Variants in SETBP1 observed in about 807,000 individuals in gnomAD.
The protein encoded by SETBP1 is SET binding protein 1.
SETBP1 carries 9 observed loss-of-function variants against 101.0 expected under a neutral mutation model. The observed-to-expected ratio is 0.09, with a 90% CI of 0.05 to 0.16. The LOEUF (loss-of-function observed/expected upper bound fraction) is 0.16, where lower values mean the gene tolerates loss of function less well. Ranked by LOEUF, SETBP1 falls within the 10% of genes least tolerant of loss-of-function variation. The probability of loss-of-function intolerance (pLI) is 1.00; values close to 1 mark genes in which losing one functional copy is unlikely to be tolerated. For synonymous variants in SETBP1, 818 were observed against 788.5 expected (o/e 1.04, Z -0.63); for missense variants, 1,858 against 2,033.8 (o/e 0.91, Z 1.66).
At chr18:44,695,803 T>TA in intron 1 of SETBP1, among the ~76,000 whole-genome samples, 1 of 152,158 alleles carries the variant, frequency 6.6e-6, no homozygotes, top group Middle Eastern at 3.4e-3. Flanking sequence ...AGAAATACAG[T>TA]AAAATTTTTT....
intron 4 of SETBP1, among the ~76,000 whole-genome samples, chr18:44,979,684 C>T (rs2072068344): frequency 6.6e-6 from 1 of 152,126 alleles, no homozygotes; most frequent in South Asian, 2.1e-4. Flanking sequence ...ACCAATGGTC[C>T]ACACTGATAT....
At chr18:45,005,871 C>T (rs1460799967) in intron 4 of SETBP1, among the ~76,000 whole-genome samples, 2 of 150,626 alleles carry the variant, frequency 1.3e-5, no homozygotes, top group African/African-American at 4.9e-5. Context: ...TGGTCTCAAT[C>T]TCCTGACCTC....
chr18:45,008,280 C>T (rs776021353), intron 4 of SETBP1, among the ~76,000 whole-genome samples: 3 of 152,084 alleles, frequency 2.0e-5, no homozygotes, highest in Non-Finnish European at 2.9e-5. Context: ...TGATAACTCA[C>T]GGGGATCCTG....
At chr18:44,981,655 T>G (rs957088099) in intron 4 of SETBP1, among the ~76,000 whole-genome samples, 3 of 152,222 alleles carry the variant, frequency 2.0e-5, no homozygotes, top group African/African-American at 7.2e-5. Context: ...CTGGCTGCCT[T>G]GCCCACATTT....
intron 2 of SETBP1, among the ~76,000 whole-genome samples, chr18:44,821,835 C>T (rs1386241622): frequency 6.6e-6 from 1 of 152,156 alleles, no homozygotes; most frequent in African/African-American, 2.4e-5. Context: ...TTAGCAAGGA[C>T]CTGGGTCTCC....
At chr18:45,002,027 C>G (rs962365731) in intron 4 of SETBP1, among the ~76,000 whole-genome samples, 5 of 152,134 alleles carry the variant, frequency 3.3e-5, no homozygotes, top group Non-Finnish European at 5.9e-5. Context: ...TACCACAGAT[C>G]CGAAAAGTCT....
intron 4 of SETBP1, among the ~76,000 whole-genome samples, chr18:44,976,874 G>A (rs1341595646): frequency 6.6e-6 from 1 of 152,190 alleles, no homozygotes; most frequent in Admixed American, 6.5e-5. Context: ...AAGTATTCAT[G>A]TATTTATATT....
rs2070134839 is a variant in SETBP1, at chr18:44,904,807, C to G, written c.540+35524C>G. Among the ~76,000 whole-genome samples the G allele has an allele frequency of 2.0e-5, 3 of 152,116 alleles. No homozygotes were observed. In the South Asian group the frequency reaches 6.2e-4, roughly 32 times the overall value. On this transcript the variant is annotated intron_variant, in intron 3 of 5. Coordinates refer to ENST00000649279, the MANE Select transcript of SETBP1 (RefSeq NM_015559.3). ...TCTGCTAGGTCTTATCTTCTTGCAT[C>G]AAGTTGGCAAAATAGGAAAATGGGA...
rs1267035239 is a variant in SETBP1 at position 44,953,074 on chromosome 18, C to T, written c.3734C>T (p.Ala1245Val). 5.6e-6 allele frequency: 9 copies of T among 1,613,976 alleles called. No individual in the cohort carries two copies. Among genetic ancestry groups the T allele is most frequent in the Non-Finnish European group, 7.6e-6 (9 of 1,180,034 alleles). The change falls in exon 4 of 6, where the codon GCC (alanine) becomes GTC (valine). Residue 1245 changes from alanine to valine, a missense_variant. Ala to Val is a moderately conservative substitution (Grantham distance 64, BLOSUM62 0). Around this residue, in one of 12 missense-constraint regions of SETBP1, gnomAD observed 417 missense variants for 389.1 expected, o/e 1.07. Transcript: ENST00000649279. ...TCCGACGCCCAGCATTGGACACAGG[C>T]CAAGGAAAAAGGAGACTTGAGCAGT... is the stretch of plus-strand genomic sequence containing the variant. ...SLSDAQHWTQ[A>V]KEKGDLSSEP...
chr18:44,689,064 A>G (rs2068884886), intron 1 of SETBP1, among the ~76,000 whole-genome samples: 1 of 152,210 alleles, frequency 6.6e-6, no homozygotes, highest in Non-Finnish European at 1.5e-5. Context: ...ACATGATCCC[A>G]AATGGAATTT....
At chr18:44,711,929 G>A (rs2069357133) in intron 2 of SETBP1, among the ~76,000 whole-genome samples, 1 of 152,088 alleles carries the variant, frequency 6.6e-6, no homozygotes, top group South Asian at 2.1e-4. Flanking sequence ...TCTTGAGTCT[G>A]CATTTCTCTC....
intron 3 of SETBP1, among the ~76,000 whole-genome samples, chr18:44,896,381 C>A (rs2069903092): frequency 6.6e-6 from 1 of 152,208 alleles, no homozygotes; most frequent in Non-Finnish European, 1.5e-5. Flanking sequence ...CAGCTACTTT[C>A]ATCATTAGTC....
chr18:44,937,339 C>G (rs1384625038), intron 3 of SETBP1, among the ~76,000 whole-genome samples: 1 of 150,534 alleles, frequency 6.6e-6, no homozygotes, highest in Non-Finnish European at 1.5e-5. Flanking sequence ...CCTGTAGTCC[C>G]AGCTACTTGG....
At chr18:44,888,669 G>T (rs1202902749) in intron 3 of SETBP1, among the ~76,000 whole-genome samples, 2 of 152,080 alleles carry the variant, frequency 1.3e-5, no homozygotes, top group African/African-American at 4.8e-5. Context: ...AGCAGTGACT[G>T]TCATTGACAT....
chr18:44,880,504 C>A (rs965556126), intron 3 of SETBP1, among the ~76,000 whole-genome samples: 1 of 152,126 alleles, frequency 6.6e-6, no homozygotes, highest in African/African-American at 2.4e-5. Context: ...TTAGGCTGTT[C>A]TTGTATCGTT....
At chr18:44,886,398 A>G (rs1028713515) in intron 3 of SETBP1, among the ~76,000 whole-genome samples, 2 of 152,160 alleles carry the variant, frequency 1.3e-5, no homozygotes, top group Admixed American at 1.3e-4. Flanking sequence ...AGCCGTCTTG[A>G]TGAACTACTT....
intron 2 of SETBP1, among the ~76,000 whole-genome samples, chr18:44,772,817 C>T (rs1392541048): frequency 6.6e-6 from 1 of 152,146 alleles, no homozygotes; most frequent in East Asian, 1.9e-4. Flanking sequence ...ATAGAAATTC[C>T]TGGAATAATC....
chr18:44,758,926 T>G (rs1599085394), intron 2 of SETBP1, among the ~76,000 whole-genome samples: 1 of 152,344 alleles, frequency 6.6e-6, no homozygotes, highest in African/African-American at 2.4e-5. Context: ...CATGCGTCCC[T>G]GGGACGTCTG....
rs888386362 is a variant in SETBP1, at chr18:44,943,627, T to C, written c.541-6254T>C. On this transcript the variant is annotated intron_variant, in intron 3 of 5. Coordinates refer to ENST00000649279, the MANE Select transcript of SETBP1 (RefSeq NM_015559.3). The stretch of plus-strand genomic sequence containing the variant: ...GTTGATCTTTACAAAACTTCCTAGC[T>C]GATGCTAACATACAGCCAGAGTTGG... Among the ~76,000 whole-genome samples the C allele has an allele frequency of 2.6e-5, 4 of 152,314 alleles. No individual in the cohort carries two copies. The East Asian group carries it at 7.7e-4, about 29-fold the overall frequency.
Sources: allele counts gnomAD v4.1 joint callset (sites outside exome capture counted in the v4.1 genomes callset), GRCh38; gene constraint gnomAD v4.1.1; regional missense constraint gnomAD v4.1.1; transcripts MANE v1.5; gene names NCBI Gene and HGNC (gene_info 2026-07-23, HGNC 2026-07-21).